FBXL20: variants seen among roughly 807,000 people sequenced by gnomAD.
The protein encoded by FBXL20 is F-box and leucine rich repeat protein 20.
A neutral mutation model predicts 64.0 loss-of-function variants in FBXL20; 11 were observed. That is an observed-to-expected ratio of 0.17 (90% CI 0.11 to 0.28). The LOEUF (loss-of-function observed/expected upper bound fraction) is 0.28, where lower values mean the gene tolerates loss of function less well. Ranked by LOEUF, FBXL20 falls within the 10% of genes least tolerant of loss-of-function variation. FBXL20 has a pLI of 1.00. For missense variants in FBXL20, 303 were observed against 526.2 expected, an observed-to-expected ratio of 0.58 and a Z score of 4.15; for synonymous variants, 184 against 189.0, an observed-to-expected ratio of 0.97 and a Z score of 0.22.
chr17:39,274,063 C>T (rs1016242436), intron 10 of FBXL20, among the ~76,000 whole-genome samples: 13 of 151,788 alleles, frequency 8.6e-5, no homozygotes, highest in African/African-American at 3.1e-4. Flanking sequence ...TTTGTAGTGA[C>T]AGGGTTTCGC....
Position 39,278,094 on chromosome 17 carries a change from T to C in FBXL20, c.697-2994A>G, listed in dbSNP as rs185961441. Among the ~76,000 whole-genome samples, 9 of 152,310 alleles carry C rather than the reference T, an allele frequency of 5.9e-5. 1 individual carries two copies. In the East Asian group the frequency reaches 1.7e-3, roughly 29 times the overall value. On this transcript the variant is annotated intron_variant, in intron 9 of 14. Transcript: ENST00000264658. ...TGTGTGTGTATGTAATGTGTATGTATAGAGTGTGTAAATATATGTGCATAT... is the reference window on the plus strand; with the variant it reads ...TGTGTGTGTATGTAATGTGTATGTACAGAGTGTGTAAATATATGTGCATAT...
At chr17:39,264,508 C>G (rs928982792) in intron 13 of FBXL20, 121 bp from the exon 14 acceptor site, 1 of 1,015,638 alleles carries the variant, frequency 9.8e-7, no homozygotes, top group African/African-American at 1.6e-5. Flanking sequence ...GGAGCTGGCA[C>G]TAGATCCACG....
chr17:39,401,890 G>A, upstream of FBXL20: 2 of 407,588 alleles, frequency 4.9e-6, no homozygotes, highest in Non-Finnish European at 4.0e-6. Context: ...GCGAGGCAGG[G>A]AAGTGCCTGT....
At chr17:39,273,774 C>T (rs1597766203) in intron 10 of FBXL20, among the ~76,000 whole-genome samples, 1 of 149,480 alleles carries the variant, frequency 6.7e-6, no homozygotes, top group Non-Finnish European at 1.5e-5. Context: ...GAGCCGAGAT[C>T]GCGCCACTGC....
chr17:39,360,405 T>C (rs1017836029), intron 1 of FBXL20, among the ~76,000 whole-genome samples: 3 of 152,152 alleles, frequency 2.0e-5, no homozygotes, highest in Non-Finnish European at 4.4e-5. Flanking sequence ...GCATATTTTA[T>C]AATAAAAATG....
chr17:39,395,028 TG>T (rs1191160740), intron 1 of FBXL20, among the ~76,000 whole-genome samples: 1 of 152,116 alleles, frequency 6.6e-6, no homozygotes, highest in Admixed American at 6.6e-5. Flanking sequence ...ACTTTGGGAA[TG>T]AAAAGAGATG....
rs373942092 is a variant in FBXL20, at chr17:39,326,578, C to T, written c.104+16602G>A. ...TCAAGGCTACAGTGAGCCATAATCA[C>T]GCCAATGCACTCCAGCCTGCGTGAC... On this transcript the variant is annotated intron_variant, in intron 2 of 14. Coordinates refer to ENST00000264658, the MANE Select transcript of FBXL20 (RefSeq NM_032875.3). Among the ~76,000 whole-genome samples the T allele has an allele frequency of 3.3e-5, 5 of 151,724 alleles. 1 individual carries two copies. In the South Asian group the frequency reaches 8.3e-4, roughly 25 times the overall value.
chr17:39,391,026 G>C (rs927996195), intron 1 of FBXL20, among the ~76,000 whole-genome samples: 2 of 152,174 alleles, frequency 1.3e-5, no homozygotes, highest in South Asian at 2.1e-4. Flanking sequence ...TTGTGCGACA[G>C]AGCAAGGCTC....
chr17:39,293,350 T>C (rs1476033559), intron 6 of FBXL20, among the ~76,000 whole-genome samples: 1 of 151,844 alleles, frequency 6.6e-6, no homozygotes, highest in South Asian at 2.1e-4. Flanking sequence ...GCCTTCCAAG[T>C]AGCTGAGATT....
chr17:39,323,936 T>C (rs1477619746), intron 2 of FBXL20, among the ~76,000 whole-genome samples: 1 of 150,198 alleles, frequency 6.7e-6, no homozygotes, highest in Non-Finnish European at 1.5e-5. Context: ...TGGCTATTTT[T>C]TGTATTTTTA....
intron 10 of FBXL20, among the ~76,000 whole-genome samples, chr17:39,272,785 G>A (rs578253994): frequency 1.3e-5 from 2 of 151,418 alleles, no homozygotes; most frequent in East Asian, 1.9e-4. Context: ...GGGAAAACAC[G>A]ATCTGACTGG....
intron 7 of FBXL20, among the ~76,000 whole-genome samples, chr17:39,283,932 C>T (rs537324449): frequency 1.4e-5 from 2 of 144,720 alleles, no homozygotes; most frequent in East Asian, 4.0e-4. Flanking sequence ...CAAGTTCATT[C>T]TCCAATATTA....
At chr17:39,325,839 A>C (rs2047403529) in intron 2 of FBXL20, among the ~76,000 whole-genome samples, 2 of 152,332 alleles carry the variant, frequency 1.3e-5, no homozygotes, top group South Asian at 4.1e-4. Context: ...TGCTAAAAAA[A>C]AATACACTGA....
chr17:39,307,303 C>G (rs2047192024), intron 2 of FBXL20, among the ~76,000 whole-genome samples: 1 of 148,338 alleles, frequency 6.7e-6, no homozygotes, highest in Non-Finnish European at 1.5e-5. Flanking sequence ...CTATAAAAAA[C>G]ATAAAGCTGA....
intron 2 of FBXL20, among the ~76,000 whole-genome samples, chr17:39,313,315 C>T (rs575937724): frequency 9.9e-5 from 15 of 151,920 alleles, no homozygotes; most frequent in Admixed American, 2.0e-4. Context: ...ATCACTGCAA[C>T]CTCCACCTCG....
intron 1 of FBXL20, among the ~76,000 whole-genome samples, chr17:39,365,990 T>TA (rs201312581): frequency 6.6e-5 from 10 of 151,912 alleles, no homozygotes; most frequent in Non-Finnish European, 1.5e-4. Context: ...CAACGGAATT[T>TA]AAAAAAATTT....
rs145381663 is a variant in FBXL20 at position 39,381,007 on chromosome 17, A to C, written c.42+20354T>G. Reference sequence around the variant, plus strand: ...AAACCCCGTCTCTACTAAAAATACAAAAACTAGCAGGGCGTGGTGGCAGGC... The same window carrying C: ...AAACCCCGTCTCTACTAAAAATACACAAACTAGCAGGGCGTGGTGGCAGGC... On this transcript the variant is annotated intron_variant, in intron 1 of 14. Coordinates refer to ENST00000264658, the MANE Select transcript of FBXL20 (RefSeq NM_032875.3). Among the ~76,000 whole-genome samples, 2 of 152,038 alleles carry C rather than the reference A, an allele frequency of 1.3e-5. 1 individual carries two copies. The highest frequency in any genetic ancestry group is 2.9e-5 in the Non-Finnish European group (2 of 67,964).
rs1007003479 is a variant in FBXL20, at chr17:39,297,329, T to C, written c.330-134A>G. 4.1e-5 allele frequency: 20 copies of C among 488,950 alleles called. No homozygotes were observed. The Admixed American group carries it at 4.8e-4, about 12-fold the overall frequency. 30.3% of individuals were successfully genotyped at this position (488,950 alleles called of 1,614,324 possible). ...GATACTGTGATATAAAGGAAAAACA[T>C]GTATTTGGTCTTCATCTTCGGTTCT... On this transcript the variant is annotated intron_variant, in intron 5 of 14. Transcript: ENST00000264658.
At chr17:39,287,566 C>T (rs190703117) in intron 6 of FBXL20, among the ~76,000 whole-genome samples, 70 of 152,188 alleles carry the variant, frequency 4.6e-4, no homozygotes, top group Admixed American at 1.6e-3. Flanking sequence ...GCCATCACAC[C>T]TAATTAAAAA....
Sources: allele counts gnomAD v4.1 joint callset (sites outside exome capture counted in the v4.1 genomes callset), GRCh38; gene constraint gnomAD v4.1.1; transcripts MANE v1.5; gene names NCBI Gene and HGNC (gene_info 2026-07-23, HGNC 2026-07-21).